The following ACTN3 variants were observed in gnomAD, a reference collection of about 807,000 sequenced individuals.
ACTN3 encodes alpha-actinin-3.
ACTN3 carries 91 observed loss-of-function variants against 119.6 expected under a neutral mutation model. The ratio of observed to expected loss-of-function variants is 0.76; its 90% CI spans 0.64 to 0.91. The LOEUF is 0.91. Among genes scored for constraint, ACTN3 ranks in the 40% least tolerant of loss-of-function variants. The pLI, the probability that ACTN3 is intolerant of heterozygous loss-of-function variation, is 0.00. For synonymous variants in ACTN3, 456 were observed against 478.8 expected (o/e 0.95, Z 0.62); for missense variants, 1,221 against 1,215.1 (o/e 1.00, Z -0.07).
upstream of ACTN3, chr11:66,546,616 C>T (rs1350211260): frequency 6.5e-7 from 1 of 1,535,328 alleles, no homozygotes; most frequent in Non-Finnish European, 8.7e-7. Context: ...TATTATCGGC[C>T]TTTCTATTGT....
chr11:66,551,542 A>G lies in ACTN3; in HGVS notation c.277A>G (p.Arg93Gly). 1.9e-6 allele frequency: 3 copies of G among 1,613,978 alleles called. No individual in the cohort carries two copies. The highest frequency in any genetic ancestry group is 2.5e-6 in the Non-Finnish European group (3 of 1,179,920). ...CTTAAACCCAGGTGAGAGGCTGCCT[A>G]GGCCAGATAAAGGCAAGATGCGCTT... ...LEVISGERLP[R>G]PDKGKMRFHK... The change falls in exon 3 of 21, where the codon AGG (arginine) becomes GGG (glycine). Residue 93 changes from arginine (R) to glycine (G), a missense_variant. Arg to Gly is a moderately radical substitution (Grantham distance 125). Around this residue, in one of 3 missense-constraint regions of ACTN3, gnomAD observed 239 missense variants for 231.8 expected, o/e 1.03. Coordinates refer to ENST00000513398, the MANE Select transcript of ACTN3 (RefSeq NM_001104.4).
Position 66,556,223 on chromosome 11 carries a change from C to T in ACTN3, c.797C>T (p.Ala266Val), listed in dbSNP as rs372129294. The change falls in exon 8 of 21, where the codon GCT becomes GTT. Residue 266 changes from alanine (A) to valine (V), a missense_variant. By Grantham distance (64) the Ala-to-Val change is moderately conservative. This residue lies in a region of ACTN3 where 934 missense variants were observed against 899.9 expected (regional missense o/e 1.04). Coordinates refer to ENST00000513398, the MANE Select transcript of ACTN3 (RefSeq NM_001104.4). ...TGCTTCTACCATGCCTTTGCCGGGG[C>T]TGAGCAGGTAAGGCGGCCCAACTGC... Reference protein sequence around the residue: ...VSCFYHAFAGAEQAETAANRI... With the variant: ...VSCFYHAFAGVEQAETAANRI... 1 of 1,613,620 alleles carries T rather than the reference C, an allele frequency of 6.2e-7. No individual in the cohort carries two copies. Among genetic ancestry groups the T allele is most frequent in the African/African-American group, 1.3e-5 (1 of 74,920 alleles).
In ACTN3 at chr11:66,557,793, G is replaced by A. The variant is rs201487054; in HGVS notation, c.992G>A (p.Arg331Gln). 8.0e-4 allele frequency: 1,295 copies of A among 1,613,898 alleles called. 24 individuals are homozygous for A. The South Asian group carries it at 0.013, about 16-fold the overall frequency. ...ATGCAGCGCAAACTAGAGGACTTTC[G>A]GGACTACCGGCGTCTGCACAAGCCG... The part of the protein sequence containing the change: ...SAMQRKLEDF[R>Q]DYRRLHKPPR... The change falls in exon 10 of 21, where the codon CGG (arginine) becomes CAG (glutamine). Residue 331 changes from arginine to glutamine, a missense_variant. Transcript: ENST00000513398.
chr11:66,559,402 C>T lies in ACTN3; in HGVS notation c.1427+16C>T, dbSNP rs756328623. On this transcript the variant is annotated intron_variant, in intron 12 of 20. Coordinates refer to ENST00000513398, the MANE Select transcript of ACTN3 (RefSeq NM_001104.4). ...AGGAGCTCAAGTAGGCGGGGCCTCG[C>T]GGGGCCCGCCCCCAACACCCCCGGC... The T allele has an allele frequency of 1.4e-6, 2 of 1,477,320 alleles. No homozygotes were observed. Among genetic ancestry groups the T allele is most frequent in the Admixed American group, 2.9e-5 (1 of 34,812 alleles). The allele number at this position is 1,477,320 out of a possible 1,614,324, so 91.5% of individuals were successfully genotyped here.
At chr11:66,552,364 C>T (rs193151864) in intron 3 of ACTN3, among the ~76,000 whole-genome samples, 165 of 118,448 alleles carry the variant, frequency 1.4e-3, no homozygotes, top group African/African-American at 6.1e-3. Flanking sequence ...AGCTAGACTC[C>T]GTCTCAAAAA....
chr11:66,546,440 A>G, upstream of ACTN3: 1 of 1,215,036 alleles, frequency 8.2e-7, no homozygotes, highest in Non-Finnish European at 1.1e-6. Flanking sequence ...GCCGTTCCCC[A>G]TGCCCGGGTG....
chr11:66,559,218 C>T lies in ACTN3; in HGVS notation c.1277-18C>T. On this transcript the variant is annotated intron_variant, in intron 11 of 20. Coordinates refer to ENST00000513398, the MANE Select transcript of ACTN3 (RefSeq NM_001104.4). ...CCTGCCGCCACTGGGTGACCGGAGC[C>T]GGCATCTCTTTGAGCAGGAAAGGAG... 2 of 1,479,052 alleles carry T rather than the reference C, an allele frequency of 1.4e-6. No homozygotes were observed. Among genetic ancestry groups the T allele is most frequent in the South Asian group, 1.4e-5 (1 of 73,674 alleles). 91.6% of individuals were successfully genotyped at this position (1,479,052 alleles called of 1,614,324 possible).
intron 8 of ACTN3, 101 bp from the exon 9 acceptor site, chr11:66,557,032 A>G: frequency 1.9e-6 from 2 of 1,026,504 alleles, no homozygotes; most frequent in South Asian, 2.9e-5. Flanking sequence ...AACTGCTGGG[A>G]TTACAGGCGT....
chr11:66,560,103 G>C, intron 13 of ACTN3, 27 bp downstream of exon 13: 1 of 1,549,638 alleles, frequency 6.5e-7, no homozygotes, highest in South Asian at 1.2e-5. Flanking sequence ...GGGAGCTGGG[G>C]GGTGGGTAGG....
intron 8 of ACTN3, among the ~76,000 whole-genome samples, chr11:66,556,932 T>C (rs1328749572): frequency 1.3e-5 from 2 of 152,102 alleles, no homozygotes; most frequent in Non-Finnish European, 2.9e-5. Context: ...GGCCAATTTT[T>C]TTGTATTTTT....
At chr11:66,551,686 G>T in intron 3 of ACTN3, 39 bp downstream of exon 3, 1 of 1,610,362 alleles carries the variant, frequency 6.2e-7, no homozygotes, top group Non-Finnish European at 8.5e-7. Flanking sequence ...CAGGGCACAG[G>T]GGCCTCTCTT....
chr11:66,560,085 G>T lies in ACTN3; in HGVS notation c.1536+9G>T. 6.4e-7 allele frequency: 1 copy of T among 1,559,262 alleles called. No individual in the cohort carries two copies. On this transcript the variant is annotated intron_variant, in intron 13 of 20. Coordinates refer to ENST00000513398, the MANE Select transcript of ACTN3 (RefSeq NM_001104.4). ...GGCGGGATGCGCTAGAGGTGGGGCTGGGGGCCGGGGAGCTGGGGGGTGGGT... is the reference window on the plus strand; with the variant it reads ...GGCGGGATGCGCTAGAGGTGGGGCTTGGGGCCGGGGAGCTGGGGGGTGGGT...
rs199741304 is a variant in ACTN3, at chr11:66,558,048, G to A, written c.1150G>A (p.Gly384Arg). ...LVSDIANAWR[G>R]LEQVEKGYED... The stretch of plus-strand genomic sequence containing the variant: ...ACAGGACATCGCCAACGCCTGGCGG[G>A]GGCTGGAGCAGGTGGAAAAGGGCTA... Residue 384 changes from glycine (G) to arginine (R), a missense_variant, in exon 11 of 21, where the codon GGG (glycine) becomes AGG (arginine). Physicochemically the swap from Gly to Arg is moderately radical, Grantham distance 125 (BLOSUM62 -2). Transcript: ENST00000513398. 1,071 of 1,613,888 alleles carry A rather than the reference G, an allele frequency of 6.6e-4. 9 individuals are homozygous for A. The highest frequency in any genetic ancestry group is 1.3e-4 in the Non-Finnish European group (148 of 1,179,874).
rs762469013 is a variant in ACTN3 at position 66,559,944 on chromosome 11, A to G, written c.1428-24A>G. 3 of 1,570,198 alleles carry G rather than the reference A, an allele frequency of 1.9e-6. No homozygotes were observed. The South Asian group carries it at 3.5e-5, about 18-fold the overall frequency. ...ACATCTGGGCTGGGGCTGGCCCCAC[A>G]CTCGCCCTACTTCTCGCTCCCAGTG... is the stretch of plus-strand genomic sequence containing the variant. On this transcript the variant is annotated intron_variant, in intron 12 of 20. Coordinates refer to ENST00000513398, the MANE Select transcript of ACTN3 (RefSeq NM_001104.4).
In ACTN3 at chr11:66,561,824, T is replaced by C. The variant is rs77452366; in HGVS notation, c.2175+187T>C. ...AAAGCCGTCCAAAACCAGGCCAAGA[T>C]TGGCCATAGCTGGTTATCAAAAGAC... On this transcript the variant is annotated intron_variant, in intron 17 of 20. Coordinates refer to ENST00000513398, the MANE Select transcript of ACTN3 (RefSeq NM_001104.4). 7.4e-3 allele frequency among the ~76,000 whole-genome samples: 1,126 copies of C among 151,384 alleles called. 70 individuals are homozygous for C. The East Asian group carries it at 0.14, about 19-fold the overall frequency.
rs1857844905 is a variant in ACTN3, at chr11:66,563,324, G to A, written c.*131G>A. On this transcript the variant is annotated 3_prime_UTR_variant, in exon 21 of 21. Coordinates refer to ENST00000513398, the MANE Select transcript of ACTN3 (RefSeq NM_001104.4). ...CTTCTGAATAAAGATCCCTCTCTGG[G>A]TCTCTCCCCATCTCCTTTTAGTTCC... 1 of 1,187,556 alleles carries A rather than the reference G, an allele frequency of 8.4e-7. No homozygotes were observed. Among genetic ancestry groups the A allele is most frequent in the Admixed American group, 3.0e-5 (1 of 33,306 alleles). The allele number at this position is 1,187,556 out of a possible 1,614,324, so 73.6% of individuals were successfully genotyped here.
At position 66,562,101 on chromosome 11, in the gene ACTN3, G is replaced by C. The variant is rs768655417; in HGVS notation, c.2255G>C (p.Arg752Pro). Residue 752 changes from arginine (R) to proline (P), a missense_variant, in exon 18 of 21, where the codon CGA becomes CCA. Physicochemically the swap from Arg to Pro is moderately radical, Grantham distance 103. Transcript: ENST00000513398. ...INEVENQVLT[R>P]DAKGLSQEQL... ...GAAGTGGAGAACCAGGTACTGACCC[G>C]AGACGCCAAGGGACTGAGCCAGGAG... is the stretch of plus-strand genomic sequence containing the variant. 1.9e-6 allele frequency: 3 copies of C among 1,614,024 alleles called. No individual in the cohort carries two copies. Among genetic ancestry groups the C allele is most frequent in the Non-Finnish European group, 2.5e-6 (3 of 1,179,972 alleles).
chr11:66,559,194 C>T, intron 11 of ACTN3, 42 bp from the exon 12 acceptor site: 2 of 1,446,984 alleles, frequency 1.4e-6, no homozygotes, highest in Non-Finnish European at 1.8e-6. Context: ...ACCCCTGCCC[C>T]TGCCGCCACT....
At chr11:66,559,425 G>T in intron 12 of ACTN3, 39 bp downstream of exon 12, 1 of 1,214,732 alleles carries the variant, frequency 8.2e-7, no homozygotes, top group Non-Finnish European at 1.0e-6. Flanking sequence ...CAACACCCCC[G>T]GCCCCGCCCC....
Sources: allele counts gnomAD v4.1 joint callset (sites outside exome capture counted in the v4.1 genomes callset), GRCh38; gene constraint gnomAD v4.1.1; regional missense constraint gnomAD v4.1.1; transcripts MANE v1.5; gene names NCBI Gene and HGNC (gene_info 2026-07-23, HGNC 2026-07-21).